VSIG10: variants seen among roughly 807,000 people sequenced by gnomAD.
The protein encoded by VSIG10 is V-set and immunoglobulin domain-containing protein 10.
In VSIG10, 48 loss-of-function variants were observed where a neutral mutation model predicts 58.7. The ratio of observed to expected loss-of-function variants is 0.82; its 90% CI spans 0.65 to 1.04. The LOEUF (loss-of-function observed/expected upper bound fraction) is 1.04, where lower values mean the gene tolerates loss of function less well. Ranked by LOEUF, VSIG10 falls within the 50% of genes least tolerant of loss-of-function variation. The probability of loss-of-function intolerance (pLI) is 0.00; values close to 1 mark genes in which losing one functional copy is unlikely to be tolerated. For missense variants in VSIG10, 628 were observed against 670.0 expected (o/e 0.94, Z 0.69); for synonymous variants, 260 against 267.1 (o/e 0.97, Z 0.26).
In VSIG10 at chr12:118,095,679, C is replaced by T. The variant is rs1361079870; in HGVS notation, c.215G>A (p.Ser72Asn). ...GAAGCGAGGCTCAGCTGGCCGGAGGCTAGAGTTGGACGAGAGAAGGAAGAC... is the reference window on the plus strand; with the variant it reads ...GAAGCGAGGCTCAGCTGGCCGGAGGTTAGAGTTGGACGAGAGAAGGAAGAC... ...EPVFLLSSNS[S>N]LRPAEPRFSL... The change falls in exon 2 of 9, where the codon AGC becomes AAC. Residue 72 changes from serine (S) to asparagine (N), a missense_variant. Transcript: ENST00000359236. 1.2e-6 allele frequency: 2 copies of T among 1,613,914 alleles called. No individual in the cohort carries two copies. The highest frequency in any genetic ancestry group is 2.2e-5 in the South Asian group (2 of 91,080).
chr12:118,103,755 G>C lies in VSIG10; in HGVS notation c.-84C>G. 3 of 1,312,472 alleles carry C rather than the reference G, an allele frequency of 2.3e-6. No homozygotes were observed. Among genetic ancestry groups the C allele is most frequent in the Non-Finnish European group, 3.0e-6 (3 of 1,015,040 alleles). The allele number at this position is 1,312,472 out of a possible 1,614,324, so 81.3% of individuals were successfully genotyped here. ...CCAGGGCCCCGGGGCCCGGGGTACC[G>C]AGGGCTCCTCCCAGGTCCTCGGAAC... On this transcript the variant is annotated 5_prime_UTR_variant, in exon 1 of 9. Transcript: ENST00000359236.
rs769461393 is a variant in VSIG10, at chr12:118,095,626, T to A, written c.268A>T (p.Ile90Phe). Residue 90 changes from isoleucine to phenylalanine, a missense_variant, in exon 2 of 9, where the codon ATT (isoleucine) becomes TTT (phenylalanine). Physicochemically the swap from Ile to Phe is conservative, Grantham distance 21 (BLOSUM62 0). Coordinates refer to ENST00000359236, the MANE Select transcript of VSIG10 (RefSeq NM_019086.6). ...TCATCTCCCAGGCTCAGCGATTCAA[T>A]GTGCAGGGAGGTGGCATCCACTAGA... ...FSLVDATSLHIESLSLGDEGI... is the reference protein window; with the variant it reads ...FSLVDATSLHFESLSLGDEGI... 1 of 1,613,814 alleles carries A rather than the reference T, an allele frequency of 6.2e-7. No homozygotes were observed. The highest frequency in any genetic ancestry group is 1.1e-5 in the South Asian group (1 of 91,084).
chr12:118,079,219 A>T, intron 4 of VSIG10, 127 bp downstream of exon 4: 1 of 1,329,446 alleles, frequency 7.5e-7, no homozygotes, highest in South Asian at 1.5e-5. Flanking sequence ...AGAAAGGGAG[A>T]AAGGGAAGGA....
chr12:118,070,934 C>T, intron 7 of VSIG10, 118 bp downstream of exon 7: 1 of 1,212,066 alleles, frequency 8.3e-7, no homozygotes, highest in Admixed American at 2.0e-5. Context: ...CAGTGTCTAG[C>T]ACATCGTAGG....
rs1468665314 is a variant in VSIG10, at chr12:118,103,922, C to T, written c.-251G>A. The T allele has an allele frequency of 2.5e-6, 1 of 397,078 alleles. No homozygotes were observed. The highest frequency in any genetic ancestry group is 3.8e-5 in the East Asian group (1 of 26,298). The allele number at this position is 397,078 out of a possible 1,614,324, so 24.6% of individuals were successfully genotyped here. ...CGGGGAGGGAGGGCGCACCCCGCCC[C>T]CTGCGCCCGCCAGCCTACTCCTGCC... On this transcript the variant is annotated 5_prime_UTR_variant, in exon 1 of 9. Transcript: ENST00000359236.
At chr12:118,086,740 T>C (rs1287753906) in intron 2 of VSIG10, among the ~76,000 whole-genome samples, 1 of 152,072 alleles carries the variant, frequency 6.6e-6, no homozygotes, top group African/African-American at 2.4e-5. Flanking sequence ...GCAAAAATAT[T>C]TGTTTAATCA....
In VSIG10 at chr12:118,079,433, A is replaced by G. The variant is rs1411126585; in HGVS notation, c.838T>C (p.Ser280Pro). Residue 280 changes from serine (S) to proline (P), a missense_variant, in exon 4 of 9, where the codon TCC (serine) becomes CCC (proline). Coordinates refer to ENST00000359236, the MANE Select transcript of VSIG10 (RefSeq NM_019086.6). ...SKLGVEMLSE[S>P]QLSDGKKFKC... The stretch of plus-strand genomic sequence containing the variant: ...AACTTCTTGCCATCCGACAGCTGGG[A>G]CTCGCTCAGCATTTCCACCCCCAGC... 11 of 1,613,868 alleles carry G rather than the reference A, an allele frequency of 6.8e-6. No individual in the cohort carries two copies. Among genetic ancestry groups the G allele is most frequent in the Non-Finnish European group, 9.3e-6 (11 of 1,179,864 alleles).
chr12:118,097,374 G>C (rs974456270), intron 1 of VSIG10, among the ~76,000 whole-genome samples: 1 of 152,218 alleles, frequency 6.6e-6, no homozygotes, highest in Non-Finnish European at 1.5e-5. Flanking sequence ...AGCACGCTGG[G>C]AGGCCGAGGG....
At chr12:118,073,271 C>A (rs193200368) in intron 5 of VSIG10, among the ~76,000 whole-genome samples, 1 of 152,122 alleles carries the variant, frequency 6.6e-6, no homozygotes, top group Non-Finnish European at 1.5e-5. Context: ...GTGATCCACC[C>A]GCCTCGGCCT....
chr12:118,073,596 G>C, intron 5 of VSIG10, 103 bp downstream of exon 5: 3 of 1,347,414 alleles, frequency 2.2e-6, no homozygotes, highest in Non-Finnish European at 3.0e-6. Flanking sequence ...CTCCCAGTTG[G>C]CAGTGACCCA....
intron 4 of VSIG10, among the ~76,000 whole-genome samples, chr12:118,078,103 T>C (rs1395056560): frequency 1.3e-5 from 2 of 152,182 alleles, no homozygotes; most frequent in Non-Finnish European, 2.9e-5. Context: ...TGGAAGGTGT[T>C]TGGGTAAGTG....
chr12:118,079,217 A>T, intron 4 of VSIG10, 129 bp downstream of exon 4: 3 of 1,318,042 alleles, frequency 2.3e-6, no homozygotes, highest in Non-Finnish European at 1.0e-6. Context: ...AAAGAAAGGG[A>T]GAAAGGGAAG....
At chr12:118,089,422 G>A (rs577503900) in intron 2 of VSIG10, among the ~76,000 whole-genome samples, 2 of 152,254 alleles carry the variant, frequency 1.3e-5, no homozygotes, top group South Asian at 4.1e-4. Context: ...TGATGATAAA[G>A]AAACAAAAAG....
chr12:118,082,048 G>A (rs2032971005), intron 3 of VSIG10, 79 bp downstream of exon 3: 7 of 1,328,548 alleles, frequency 5.3e-6, no homozygotes, highest in Non-Finnish European at 7.1e-6. Context: ...AGACAAATGG[G>A]AGAGGCACAA....
At chr12:118,082,650 C>A (rs111865372) in intron 2 of VSIG10, among the ~76,000 whole-genome samples, 2 of 152,092 alleles carry the variant, frequency 1.3e-5, no homozygotes, top group African/African-American at 4.8e-5. Context: ...CTTTACAGAA[C>A]AGCAAAAGTA....
chr12:118,078,442 A>G, intron 4 of VSIG10, among the ~76,000 whole-genome samples: 1 of 152,010 alleles, frequency 6.6e-6, no homozygotes. Context: ...TACAGGTGTG[A>G]GCTACCACGC....
At chr12:118,084,081 G>A (rs1040965935) in intron 2 of VSIG10, among the ~76,000 whole-genome samples, 1 of 151,450 alleles carries the variant, frequency 6.6e-6, no homozygotes, top group East Asian at 1.9e-4. Context: ...GATTGTGCCA[G>A]TACACTCCAG....
Position 118,089,707 on chromosome 12 carries a change from T to C in VSIG10, c.361+5826A>G, listed in dbSNP as rs183971341. 3.2e-4 allele frequency among the ~76,000 whole-genome samples: 49 copies of C among 152,276 alleles called. No individual in the cohort carries two copies. The South Asian group carries it at 4.1e-3, about 13-fold the overall frequency. On this transcript the variant is annotated intron_variant, in intron 2 of 8. Transcript: ENST00000359236. The stretch of plus-strand genomic sequence containing the variant: ...TGGACGATGCCCTAATCTTTGAGAA[T>C]TGGCAGAAACCTTAGACATCACCCA...
At position 118,103,643 on chromosome 12, in the gene VSIG10, G is replaced by A. The variant is rs1451919583; in HGVS notation, c.29C>T (p.Pro10Leu). MAAGGSAPE[P>L]RVLVCLGALL... ...CGCCCCGAGGCAGACGAGGACGCGG[G>A]GCTCGGGCGCACTGCCGCCTGCGGC... The change falls in exon 1 of 9, where the codon CCC becomes CTC. Residue 10 changes from proline to leucine, a missense_variant. By Grantham distance (98) the Pro-to-Leu change is moderately conservative. Transcript: ENST00000359236. 2 of 1,506,194 alleles carry A rather than the reference G, an allele frequency of 1.3e-6. No individual in the cohort carries two copies. The highest frequency in any genetic ancestry group is 2.8e-5 in the East Asian group (1 of 36,002). The allele number at this position is 1,506,194 out of a possible 1,614,324, so 93.3% of individuals were successfully genotyped here.
Sources: allele counts gnomAD v4.1 joint callset (sites outside exome capture counted in the v4.1 genomes callset), GRCh38; gene constraint gnomAD v4.1.1; transcripts MANE v1.5; gene names NCBI Gene and HGNC (gene_info 2026-07-23, HGNC 2026-07-21).